Variants in YJU2 observed in about 807,000 individuals in gnomAD.
YJU2 encodes YJU2 splicing factor homolog, also known as splicing factor YJU2.
YJU2 carries 28 observed loss-of-function variants against 39.6 expected under a neutral mutation model. The ratio of observed to expected loss-of-function variants is 0.71; its 90% CI spans 0.52 to 0.97. The LOEUF (loss-of-function observed/expected upper bound fraction) is 0.97, where lower values mean the gene tolerates loss of function less well. Ranked by LOEUF, YJU2 falls within the 50% of genes least tolerant of loss-of-function variation. YJU2 has a pLI of 0.00. For missense variants in YJU2, 328 were observed against 430.4 expected (o/e 0.76, Z 2.11); for synonymous variants, 184 against 182.4 (o/e 1.01, Z -0.07).
intron 1 of YJU2, among the ~76,000 whole-genome samples, chr19:4,248,940 C>T (rs1970953178): frequency 6.6e-6 from 1 of 152,008 alleles, no homozygotes; most frequent in South Asian, 2.1e-4. Flanking sequence ...CAAAAACAAA[C>T]CCTGGCTTTT....
chr19:4,249,017 C>T (rs1599495213), intron 1 of YJU2, among the ~76,000 whole-genome samples: 3 of 152,246 alleles, frequency 2.0e-5, no homozygotes, highest in Admixed American at 6.5e-5. Flanking sequence ...GAATTAAATG[C>T]GTCCTGTATA....
rs1234837290 is a variant in YJU2 at position 4,258,295 on chromosome 19, C to T, written c.459C>T (p.Asn153=). 1.3e-6 allele frequency: 2 copies of T among 1,564,752 alleles called. No homozygotes were observed. The highest frequency in any genetic ancestry group is 4.7e-5 in the East Asian group (2 of 42,894). The change falls in exon 5 of 8, where the codon AAC becomes AAT. Residue 153 remains asparagine (N), a synonymous_variant. Transcript: ENST00000262962. Reference sequence around the variant, plus strand: ...AGCTGGAGATGGAGGTGCTGGAGAACCTCCAGGAGCTGAAAGACCTGAACC... The same window carrying T: ...AGCTGGAGATGGAGGTGCTGGAGAATCTCCAGGAGCTGAAAGACCTGAACC... ...DSKLEMEVLE[N]LQELKDLNQR...
chr19:4,256,179 A>T (rs1471421022), intron 4 of YJU2, among the ~76,000 whole-genome samples: 6 of 97,238 alleles, frequency 6.2e-5, no homozygotes, highest in East Asian at 2.7e-4. Context: ...CAAAAAAAAA[A>T]AAATATATAT....
At chr19:4,247,225 G>A in intron 1 of YJU2, 55 bp downstream of exon 1, 1 of 1,497,894 alleles carries the variant, frequency 6.7e-7, no homozygotes, top group Non-Finnish European at 9.2e-7. Flanking sequence ...CCGGAACTCC[G>A]GGAGAGGGAG....
At chr19:4,266,497 C>G (rs1417376397) in intron 6 of YJU2, among the ~76,000 whole-genome samples, 6 of 152,146 alleles carry the variant, frequency 3.9e-5, no homozygotes, top group Non-Finnish European at 7.3e-5. Context: ...GCAAGACGCC[C>G]TTCCTCTGAG....
At chr19:4,252,982 A>G (rs1970989593) in intron 3 of YJU2, among the ~76,000 whole-genome samples, 1 of 146,322 alleles carries the variant, frequency 6.8e-6, no homozygotes, top group African/African-American at 2.7e-5. Flanking sequence ...GAAAAGTTCC[A>G]AAGATAGTAC....
chr19:4,250,755 T>G (rs1250581384), intron 2 of YJU2, among the ~76,000 whole-genome samples: 3 of 151,934 alleles, frequency 2.0e-5, no homozygotes, highest in African/African-American at 7.3e-5. Flanking sequence ...AAAGATTGCT[T>G]CTGGGAGTGC....
At chr19:4,255,250 T>G (rs1971010423) in intron 4 of YJU2, among the ~76,000 whole-genome samples, 1 of 151,172 alleles carries the variant, frequency 6.6e-6, no homozygotes, top group Non-Finnish European at 1.5e-5. Flanking sequence ...TAAAAGAAAT[T>G]ATGTTCACTT....
At chr19:4,253,247 TAAAA>T (rs1413854622) in intron 3 of YJU2, among the ~76,000 whole-genome samples, 7 of 139,112 alleles carry the variant, frequency 5.0e-5, no homozygotes, top group African/African-American at 1.1e-4. Flanking sequence ...AAATTTTAAT[TAAAA>T]AAAGAAACTA....
Position 4,247,097 on chromosome 19 carries a change from AC to A in YJU2, c.-47del. ...CTTCCGTCGGAAAAGCTCGATAATT[AC>A]CCAGCCTAACCATTTCTCAGGTGCT... On this transcript the variant is annotated 5_prime_UTR_variant, in exon 1 of 8. Transcript: ENST00000262962. The A allele has an allele frequency of 6.3e-7, 1 of 1,586,380 alleles. No homozygotes were observed. The highest frequency in any genetic ancestry group is 8.7e-7 in the Non-Finnish European group (1 of 1,154,756).
intron 5 of YJU2, 38 bp downstream of exon 5, chr19:4,258,461 G>A: frequency 6.5e-7 from 1 of 1,547,140 alleles, no homozygotes. Flanking sequence ...CCACCTCGCA[G>A]CCTCTGCCCC....
intron 3 of YJU2, among the ~76,000 whole-genome samples, chr19:4,253,568 G>A (rs1404729405): frequency 4.6e-5 from 7 of 152,176 alleles, no homozygotes; most frequent in South Asian, 2.1e-4. Flanking sequence ...GCAACAGCAC[G>A]AGACCCTGTC....
intron 6 of YJU2, among the ~76,000 whole-genome samples, chr19:4,266,793 C>A (rs531803644): frequency 2.0e-5 from 3 of 152,216 alleles, no homozygotes; most frequent in African/African-American, 7.2e-5. Context: ...CCAGCCTGGG[C>A]AACATAGCGA....
At chr19:4,251,277 A>T in intron 3 of YJU2, 106 bp downstream of exon 3, 1 of 1,023,484 alleles carries the variant, frequency 9.8e-7, no homozygotes, top group Non-Finnish European at 1.4e-6. Flanking sequence ...AGGGAATCTC[A>T]TTTCAGTTTA....
intron 7 of YJU2, 149 bp from the exon 8 acceptor site, chr19:4,268,435 G>T (rs1971134526): frequency 1.7e-6 from 1 of 601,494 alleles, no homozygotes; most frequent in South Asian, 2.0e-5. Flanking sequence ...TCTGCAATGG[G>T]TCCCATCAGG....
chr19:4,267,481 A>G, intron 6 of YJU2, 143 bp from the exon 7 acceptor site: 1 of 824,742 alleles, frequency 1.2e-6, no homozygotes, highest in Non-Finnish European at 1.9e-6. Context: ...GGGGAGCCAT[A>G]GAGGAGTTTA....
At chr19:4,255,614 A>G (rs1329597382) in intron 4 of YJU2, among the ~76,000 whole-genome samples, 1 of 151,874 alleles carries the variant, frequency 6.6e-6, no homozygotes, top group African/African-American at 2.4e-5. Context: ...CTGTAATCCC[A>G]GCTACTCGGG....
At chr19:4,261,602 A>G (rs937124382) in intron 5 of YJU2, among the ~76,000 whole-genome samples, 3 of 152,154 alleles carry the variant, frequency 2.0e-5, no homozygotes, top group African/African-American at 7.2e-5. Context: ...TGGGGGTTGC[A>G]GTGAGCCAAG....
At chr19:4,251,912 G>A (rs937514650) in intron 3 of YJU2, among the ~76,000 whole-genome samples, 12 of 152,006 alleles carry the variant, frequency 7.9e-5, no homozygotes, top group African/African-American at 2.9e-4. Context: ...GCTTGAACCC[G>A]AGAGGGAGAG....
Sources: gnomAD v4.1 joint callset for allele counts (sites outside exome capture counted in the v4.1 genomes callset) on GRCh38, gnomAD v4.1.1 for gene constraint, MANE v1.5 for transcripts, NCBI Gene and HGNC (gene_info 2026-07-23, HGNC 2026-07-21) for gene names.